ADAMTSL3: variants seen among roughly 807,000 people sequenced by gnomAD.
ADAMTSL3 encodes the protein ADAMTS like 3.
In ADAMTSL3, 128 loss-of-function variants were observed where a neutral mutation model predicts 201.7. The observed-to-expected ratio is 0.63, with a 90% CI of 0.55 to 0.73. The LOEUF (loss-of-function observed/expected upper bound fraction) is 0.73, where lower values mean the gene tolerates loss of function less well. Ranked by LOEUF, ADAMTSL3 falls within the 30% of genes least tolerant of loss-of-function variation. The pLI, the probability that ADAMTSL3 is intolerant of heterozygous loss-of-function variation, is 0.00. For missense variants in ADAMTSL3, 1,990 were observed against 2,119.6 expected (o/e 0.94, Z 1.20); for synonymous variants, 738 against 748.4 (o/e 0.99, Z 0.23).
Position 83,704,015 on chromosome 15 carries a change from A to AAC in ADAMTSL3, c.70-373_70-372insCA, listed in dbSNP as rs1555431959. ...CTCACTCCTTTGCCAAAAAAAAAAA[A>AAC]AAACACAAAAGGAAGAAGAAAAGAA... On this transcript the variant is annotated intron_variant, in intron 2 of 29. Transcript: ENST00000286744. 2.2e-4 allele frequency among the ~76,000 whole-genome samples: 34 copies of AAC among 151,492 alleles called. 1 individual carries two copies. Among genetic ancestry groups the AAC allele is most frequent in the Non-Finnish European group, 2.2e-4 (15 of 67,914 alleles).
At chr15:83,824,342 G>C (rs2063970499) in intron 6 of ADAMTSL3, among the ~76,000 whole-genome samples, 1 of 151,964 alleles carries the variant, frequency 6.6e-6, no homozygotes, top group Non-Finnish European at 1.5e-5. Flanking sequence ...AGCAATTTTA[G>C]ATTCACAACA....
intron 2 of ADAMTSL3, among the ~76,000 whole-genome samples, chr15:83,696,139 A>G (rs1177636392): frequency 6.6e-6 from 1 of 152,142 alleles, no homozygotes; most frequent in African/African-American, 2.4e-5. Flanking sequence ...CCTGGAAGAT[A>G]CGCTTCCTGA....
At chr15:83,683,121 C>T (rs779327317) in intron 2 of ADAMTSL3, among the ~76,000 whole-genome samples, 2 of 152,152 alleles carry the variant, frequency 1.3e-5, no homozygotes, top group Non-Finnish European at 2.9e-5. Flanking sequence ...CAAGATGAAA[C>T]CAGCATTAGT....
intron 6 of ADAMTSL3, among the ~76,000 whole-genome samples, chr15:83,824,474 T>G: frequency 6.6e-6 from 1 of 152,218 alleles, no homozygotes; most frequent in East Asian, 1.9e-4. Context: ...GAACCTACAC[T>G]GACACATCAT....
chr15:83,765,681 A>G (rs191584901), intron 3 of ADAMTSL3, among the ~76,000 whole-genome samples: 6 of 152,344 alleles, frequency 3.9e-5, no homozygotes, highest in Non-Finnish European at 1.5e-5. Flanking sequence ...ACCCTATTAT[A>G]TAATGAGTAA....
chr15:83,689,451 A>G (rs2061583645), intron 2 of ADAMTSL3, among the ~76,000 whole-genome samples: 1 of 152,106 alleles, frequency 6.6e-6, no homozygotes. Context: ...ATAATATATC[A>G]TTTTTTGCTG....
chr15:83,980,509 A>G (rs999527437), intron 20 of ADAMTSL3, among the ~76,000 whole-genome samples: 1 of 152,158 alleles, frequency 6.6e-6, no homozygotes, highest in African/African-American at 2.4e-5. Context: ...AATTAGGGGA[A>G]ATTTACATGG....
chr15:83,811,681 G>T (rs1292934668), intron 5 of ADAMTSL3, among the ~76,000 whole-genome samples: 1 of 152,208 alleles, frequency 6.6e-6, no homozygotes, highest in African/African-American at 2.4e-5. Flanking sequence ...AGGTTGGTAA[G>T]AAATAGATGC....
intron 5 of ADAMTSL3, among the ~76,000 whole-genome samples, chr15:83,817,038 C>T (rs1200216143): frequency 6.6e-6 from 1 of 152,130 alleles, no homozygotes; most frequent in Non-Finnish European, 1.5e-5. Flanking sequence ...GTTTGACTTG[C>T]TTCTAGGAGT....
chr15:83,889,265 T>A (rs1255644812), intron 10 of ADAMTSL3, among the ~76,000 whole-genome samples: 1 of 152,214 alleles, frequency 6.6e-6, no homozygotes, highest in East Asian at 1.9e-4. Context: ...ATTTTGTTCC[T>A]TTCTGTATAG....
intron 19 of ADAMTSL3, among the ~76,000 whole-genome samples, chr15:83,957,518 A>T (rs1026158236): frequency 2.6e-5 from 4 of 152,206 alleles, no homozygotes; most frequent in African/African-American, 9.6e-5. Context: ...AGCAGTTGGG[A>T]TAGAGAGTAG....
At chr15:83,907,888 A>G (rs1407207450) in intron 15 of ADAMTSL3, among the ~76,000 whole-genome samples, 1 of 152,210 alleles carries the variant, frequency 6.6e-6, no homozygotes, top group Non-Finnish European at 1.5e-5. Flanking sequence ...CCTATGAGTA[A>G]ATAGCCAGTA....
At chr15:83,748,484 C>CA (rs1006515510) in intron 3 of ADAMTSL3, among the ~76,000 whole-genome samples, 18 of 151,452 alleles carry the variant, frequency 1.2e-4, no homozygotes, top group Admixed American at 9.2e-4. Flanking sequence ...CCTGTCTTTA[C>CA]AAAAAAATAC....
intron 3 of ADAMTSL3, among the ~76,000 whole-genome samples, chr15:83,752,586 A>G (rs965535693): frequency 2.0e-5 from 3 of 152,144 alleles, no homozygotes; most frequent in African/African-American, 7.2e-5. Context: ...AATTACTTAT[A>G]TCTTTCTAAT....
At chr15:83,789,036 C>A (rs760650187) in intron 4 of ADAMTSL3, among the ~76,000 whole-genome samples, 19 of 152,160 alleles carry the variant, frequency 1.2e-4, no homozygotes, top group Non-Finnish European at 2.6e-4. Context: ...GTCTCAAACT[C>A]CTGACCTCAG....
intron 13 of ADAMTSL3, among the ~76,000 whole-genome samples, chr15:83,896,511 TA>T (rs2065618419): frequency 6.6e-6 from 1 of 152,112 alleles, no homozygotes; most frequent in South Asian, 2.1e-4. Context: ...AATGATGTAT[TA>T]GTTATGTTAA....
intron 4 of ADAMTSL3, among the ~76,000 whole-genome samples, chr15:83,776,546 C>T (rs2063077500): frequency 6.6e-6 from 1 of 152,122 alleles, no homozygotes; most frequent in African/African-American, 2.4e-5. Context: ...GGAGAAAGCC[C>T]ATCTCTACTA....
At chr15:83,951,387 T>C (rs2066754401) in intron 19 of ADAMTSL3, among the ~76,000 whole-genome samples, 1 of 152,174 alleles carries the variant, frequency 6.6e-6, no homozygotes, top group Admixed American at 6.5e-5. Flanking sequence ...TGATGAATGA[T>C]CTTTTACTGT....
intron 3 of ADAMTSL3, chr15:83,739,758 G>A (rs897756967): frequency 3.1e-5 from 15 of 487,520 alleles, no homozygotes; most frequent in Non-Finnish European, 4.4e-5. Flanking sequence ...CTCCTCCAGT[G>A]CCAAGGAGCC....
Sources: gnomAD v4.1 joint callset for allele counts (sites outside exome capture counted in the v4.1 genomes callset) on GRCh38, gnomAD v4.1.1 for gene constraint, MANE v1.5 for transcripts, NCBI Gene and HGNC (gene_info 2026-07-23, HGNC 2026-07-21) for gene names.